Variants in TBC1D23 observed in about 807,000 individuals in gnomAD.
The protein encoded by TBC1D23 is HCV non-structural protein 4A-transactivated protein 1.
In TBC1D23, 55 loss-of-function variants were observed where a neutral mutation model predicts 91.4. That is an observed-to-expected ratio of 0.60 (90% CI 0.48 to 0.75). The LOEUF is 0.75. TBC1D23 is among the 30% of genes least tolerant of loss of function. The pLI, the probability that TBC1D23 is intolerant of heterozygous loss-of-function variation, is 0.00. For missense variants in TBC1D23, 725 were observed against 836.1 expected, an observed-to-expected ratio of 0.87 and a Z score of 1.64; for synonymous variants, 289 against 281.0, an observed-to-expected ratio of 1.03 and a Z score of -0.28.
chr3:100,323,036 A>G (rs277653), intron 18 of TBC1D23, among the ~76,000 whole-genome samples: 105,224 of 152,102 alleles, frequency 0.69, 37,785 homozygotes, highest in East Asian at 0.95. Flanking sequence ...CATAAGTCTT[A>G]TCTTTTTTAA....
chr3:100,302,278 T>A, intron 11 of TBC1D23, 41 bp downstream of exon 11: 1 of 1,498,224 alleles, frequency 6.7e-7, no homozygotes, highest in East Asian at 2.5e-5. Flanking sequence ...TTGGTTAATG[T>A]TATCACCTTT....
At chr3:100,298,567 G>A (rs1705348549) in intron 9 of TBC1D23, among the ~76,000 whole-genome samples, 1 of 152,166 alleles carries the variant, frequency 6.6e-6, no homozygotes, top group East Asian at 1.9e-4. Context: ...GGAAGGTGTA[G>A]TGTATTTCCA....
Position 100,322,960 on chromosome 3 carries a change from A to G in TBC1D23, c.2019-627A>G, listed in dbSNP as rs193050062. On this transcript the variant is annotated intron_variant, in intron 18 of 18. Transcript: ENST00000394144. Reference sequence around the variant, plus strand: ...GATGCTTTTTTAAAAAAATACCACTATTTTTATTCTCCAAGAAAAGAAAAT... The same window carrying G: ...GATGCTTTTTTAAAAAAATACCACTGTTTTTATTCTCCAAGAAAAGAAAAT... Among the ~76,000 whole-genome samples the G allele has an allele frequency of 3.3e-5, 5 of 152,262 alleles. No individual in the cohort carries two copies. In the East Asian group the frequency reaches 9.6e-4, roughly 29 times the overall value.
chr3:100,293,544 G>T (rs2067811433), intron 5 of TBC1D23, among the ~76,000 whole-genome samples: 1 of 152,160 alleles, frequency 6.6e-6, no homozygotes, highest in Admixed American at 6.5e-5. Flanking sequence ...GCAATGCAGT[G>T]GTAACTTTCG....
rs149941546 is a variant in TBC1D23, at chr3:100,278,267, A to G, written c.54-1382A>G. ...TCTGCCTTTTAGGCTGCTTCAAAGA[A>G]TGTTACAGATTGTCCAGGTTATGAA... On this transcript the variant is annotated intron_variant, in intron 1 of 18. Coordinates refer to ENST00000394144, the MANE Select transcript of TBC1D23 (RefSeq NM_001199198.3). Among the ~76,000 whole-genome samples, 713 of 152,354 alleles carry G rather than the reference A, an allele frequency of 4.7e-3. 2 individuals carry two copies. The highest frequency in any genetic ancestry group is 6.3e-3 in the Non-Finnish European group (432 of 68,042).
Position 100,306,367 on chromosome 3 carries a change from C to T in TBC1D23, c.1307-70C>T, listed in dbSNP as rs550857477. 845 of 817,902 alleles carry T rather than the reference C, an allele frequency of 1.0e-3. 2 individuals carry two copies. Among genetic ancestry groups the T allele is most frequent in the South Asian group, 4.2e-3 (277 of 65,438 alleles). 50.7% of individuals were successfully genotyped at this position (817,902 alleles called of 1,614,324 possible). A position where few individuals can be genotyped will look rare whatever the true frequency, so the allele number is the denominator to read the frequency against. On this transcript the variant is annotated intron_variant, in intron 12 of 18. Coordinates refer to ENST00000394144, the MANE Select transcript of TBC1D23 (RefSeq NM_001199198.3). ...CAGCTGTGACATGTTTATTGTATTTCGTTGGTAATGAATTTTTCCAAAGAG... is the reference window on the plus strand; with the variant it reads ...CAGCTGTGACATGTTTATTGTATTTTGTTGGTAATGAATTTTTCCAAAGAG...
chr3:100,285,886 C>A lies in TBC1D23; in HGVS notation c.476+2075C>A, dbSNP rs2067737730. 1.3e-5 allele frequency among the ~76,000 whole-genome samples: 2 copies of A among 151,324 alleles called. 1 individual carries two copies. The highest frequency in any genetic ancestry group is 4.2e-4 in the South Asian group (2 of 4,816). Reference sequence around the variant, plus strand: ...CTTCTTTGGAGAAATGACTCTTTACCCAAAGTACTTTTAAAACATACTGGT... The same window carrying A: ...CTTCTTTGGAGAAATGACTCTTTACACAAAGTACTTTTAAAACATACTGGT... On this transcript the variant is annotated intron_variant, in intron 4 of 18. Coordinates refer to ENST00000394144, the MANE Select transcript of TBC1D23 (RefSeq NM_001199198.3).
intron 4 of TBC1D23, among the ~76,000 whole-genome samples, chr3:100,284,795 C>T (rs2148856118): frequency 6.6e-6 from 1 of 152,256 alleles, no homozygotes; most frequent in East Asian, 1.9e-4. Context: ...AGACTAGTGG[C>T]TTGGCTGTAC....
rs534510224 is a variant in TBC1D23, at chr3:100,301,322, A to G, written c.1093-745A>G. On this transcript the variant is annotated intron_variant, in intron 10 of 18. Transcript: ENST00000394144. ...GAACCTTCTTACGTTTCAGAACTCT[A>G]AATGAGAATGCCATTGGCATTATTG... 4.1e-4 allele frequency among the ~76,000 whole-genome samples: 62 copies of G among 152,098 alleles called. 1 individual carries two copies. In the South Asian group the frequency reaches 0.011, roughly 27 times the overall value.
intron 16 of TBC1D23, 26 bp from the exon 17 acceptor site, chr3:100,319,043 T>C (rs562234743): frequency 1.4e-6 from 2 of 1,433,798 alleles, no homozygotes; most frequent in South Asian, 2.5e-5. Context: ...GTAATATCCA[T>C]ATTTAATACT....
At position 100,311,726 on chromosome 3, in the gene TBC1D23, G is replaced by A. The variant is rs186130972; in HGVS notation, c.1554-107G>A. ...ATGATGGAAACATCTTCTTTATAAT[G>A]TACACTCTGGGTGAGAAAAACTAAA... On this transcript the variant is annotated intron_variant, in intron 14 of 18. Transcript: ENST00000394144. 266 of 738,708 alleles carry A rather than the reference G, an allele frequency of 3.6e-4. 1 individual carries two copies. The highest frequency in any genetic ancestry group is 1.2e-3 in the Admixed American group (51 of 43,844). The allele number at this position is 738,708 out of a possible 1,614,324, so 45.8% of individuals were successfully genotyped here.
intron 4 of TBC1D23, among the ~76,000 whole-genome samples, chr3:100,285,697 G>T (rs2067735383): frequency 6.6e-6 from 1 of 152,168 alleles, no homozygotes; most frequent in East Asian, 1.9e-4. Flanking sequence ...CCAACAGTCA[G>T]TGGAGATCCC....
chr3:100,308,285 A>T (rs910534872), intron 13 of TBC1D23, among the ~76,000 whole-genome samples: 2 of 152,122 alleles, frequency 1.3e-5, no homozygotes, highest in East Asian at 3.9e-4. Flanking sequence ...ACCATCCTGG[A>T]TAACACGGTG....
intron 1 of TBC1D23, 61 bp downstream of exon 1, chr3:100,261,132 C>G: frequency 6.5e-7 from 1 of 1,528,824 alleles, no homozygotes; most frequent in South Asian, 1.1e-5. Flanking sequence ...ACCATCTTGC[C>G]GGTCCCCGAG....
chr3:100,296,129 C>A, intron 7 of TBC1D23, 43 bp from the exon 8 acceptor site: 1 of 1,142,484 alleles, frequency 8.8e-7, no homozygotes, highest in Non-Finnish European at 1.2e-6. Context: ...ACAATATTTG[C>A]ATTTTTCACA....
chr3:100,262,211 G>C (rs1366136773), intron 1 of TBC1D23, among the ~76,000 whole-genome samples: 2 of 152,116 alleles, frequency 1.3e-5, no homozygotes, highest in Non-Finnish European at 2.9e-5. Context: ...AGTTGGGAAG[G>C]TGTAACAAGG....
intron 9 of TBC1D23, among the ~76,000 whole-genome samples, chr3:100,298,331 G>A (rs1405592179): frequency 1.3e-5 from 2 of 152,118 alleles, no homozygotes; most frequent in Non-Finnish European, 2.9e-5. Flanking sequence ...AACTGAATGT[G>A]GCATTGTATA....
chr3:100,273,335 C>A (rs890563319), intron 1 of TBC1D23, among the ~76,000 whole-genome samples: 3 of 152,142 alleles, frequency 2.0e-5, no homozygotes, highest in East Asian at 1.9e-4. Context: ...AGATTAACAG[C>A]ATCTCAAGGC....
intron 1 of TBC1D23, among the ~76,000 whole-genome samples, chr3:100,265,959 C>CT (rs1465073933): frequency 1.3e-5 from 2 of 151,956 alleles, no homozygotes; most frequent in East Asian, 3.8e-4. Context: ...CTTAAAATGT[C>CT]TTTTAAGAAC....
Sources: gnomAD v4.1 joint callset for allele counts (sites outside exome capture counted in the v4.1 genomes callset) on GRCh38, gnomAD v4.1.1 for gene constraint, MANE v1.5 for transcripts, NCBI Gene and HGNC (gene_info 2026-07-23, HGNC 2026-07-21) for gene names.